HSD17B3: variants seen among roughly 807,000 people sequenced by gnomAD.
HSD17B3 encodes hydroxysteroid 17-beta dehydrogenase 3, also known as 17-beta-hydroxysteroid dehydrogenase type 3.
Under a neutral mutation model 41.1 loss-of-function variants are expected in HSD17B3, and 29 were observed. That is an observed-to-expected ratio of 0.71 (90% CI 0.53 to 0.96). HSD17B3 has a LOEUF of 0.96. HSD17B3 is among the 40% of genes least tolerant of loss of function. The pLI is 0.00. For missense variants in HSD17B3, 323 were observed against 374.6 expected, an observed-to-expected ratio of 0.86 and a Z score of 1.14; for synonymous variants, 126 against 145.6, an observed-to-expected ratio of 0.87 and a Z score of 0.97.
At chr9:96,277,963 A>T (rs1480105005) in intron 2 of HSD17B3, among the ~76,000 whole-genome samples, 2 of 152,180 alleles carry the variant, frequency 1.3e-5, no homozygotes, top group African/African-American at 4.8e-5. Context: ...TGAGGAGATT[A>T]TGCTAAGTGA....
chr9:96,291,656 G>A (rs1827163618), intron 2 of HSD17B3, among the ~76,000 whole-genome samples: 1 of 152,164 alleles, frequency 6.6e-6, no homozygotes, highest in Admixed American at 6.5e-5. Flanking sequence ...AAGGTTTGGA[G>A]CATAAAAATG....
chr9:96,298,706 T>C (rs1827459848), intron 1 of HSD17B3, among the ~76,000 whole-genome samples: 1 of 152,050 alleles, frequency 6.6e-6, no homozygotes, highest in Non-Finnish European at 1.5e-5. Context: ...GGTTAGTTGG[T>C]GTTTTGGAGG....
At chr9:96,278,013 T>TTATA (rs1306345093) in intron 2 of HSD17B3, among the ~76,000 whole-genome samples, 1 of 152,316 alleles carries the variant, frequency 6.6e-6, no homozygotes, top group African/African-American at 2.4e-5. Context: ...ATGATCTCAC[T>TTATA]TATATGTGGA....
At chr9:96,266,436 C>T (rs1826046379) in intron 2 of HSD17B3, among the ~76,000 whole-genome samples, 1 of 152,024 alleles carries the variant, frequency 6.6e-6, no homozygotes, top group African/African-American at 2.4e-5. Context: ...CCATTCCTGG[C>T]TAATTTTTTT....
intron 7 of HSD17B3, 134 bp downstream of exon 7, chr9:96,246,422 C>T (rs1482939423): frequency 1.0e-5 from 8 of 802,828 alleles, no homozygotes; most frequent in Admixed American, 5.9e-5. Flanking sequence ...CCATAATCAC[C>T]GTGTGCTTTC....
At chr9:96,276,107 T>TA (rs57386167) in intron 2 of HSD17B3, among the ~76,000 whole-genome samples, 14,966 of 41,120 alleles carry the variant, frequency 0.36, 3,474 homozygotes, top group African/African-American at 0.44. Context: ...TCCTGTCTCA[T>TA]AAAAAAAAAA....
At chr9:96,289,994 G>A (rs1008263987) in intron 2 of HSD17B3, among the ~76,000 whole-genome samples, 19 of 152,122 alleles carry the variant, frequency 1.2e-4, no homozygotes, top group African/African-American at 3.9e-4. Flanking sequence ...ATCTACAGCG[G>A]GTAGTGGGAA....
intron 1 of HSD17B3, among the ~76,000 whole-genome samples, chr9:96,298,800 C>G (rs1441572840): frequency 6.6e-6 from 1 of 152,126 alleles, no homozygotes; most frequent in East Asian, 1.9e-4. Flanking sequence ...CATGAGGATG[C>G]AGATATTGTG....
In HSD17B3 at chr9:96,246,710, G is replaced by A. The variant is rs541235378; in HGVS notation, c.490-120C>T. 4.9e-5 allele frequency: 44 copies of A among 892,164 alleles called. No homozygotes were observed. In the African/African-American group the frequency reaches 5.7e-4, roughly 12 times the overall value. The allele number at this position is 892,164 out of a possible 1,614,324, so 55.3% of individuals were successfully genotyped here. A position where few individuals can be genotyped will look rare whatever the true frequency, so the allele number is the denominator to read the frequency against. ...GGGAAAGAGCCTCATCTTCTCAGAC[G>A]GCCTTGAAAATTGCTGGCACTCATT... On this transcript the variant is annotated intron_variant, in intron 6 of 10. Transcript: ENST00000375263.
chr9:96,290,187 C>T (rs1325918449), intron 2 of HSD17B3, among the ~76,000 whole-genome samples: 1 of 152,150 alleles, frequency 6.6e-6, no homozygotes, highest in East Asian at 1.9e-4. Flanking sequence ...AATTTTTTCC[C>T]ACCTGCCTCA....
chr9:96,254,955 A>C lies in HSD17B3; in HGVS notation c.202-12T>G, dbSNP rs1466273069. 6.2e-7 allele frequency: 1 copy of C among 1,611,876 alleles called. No homozygotes were observed. The highest frequency in any genetic ancestry group is 1.3e-5 in the African/African-American group (1 of 74,868). On this transcript the variant is annotated splice_polypyrimidine_tract_variant and intron_variant, in intron 2 of 10. Coordinates refer to ENST00000375263, the MANE Select transcript of HSD17B3 (RefSeq NM_000197.2). ...CCACGTTTTGCTAGCTGAGAGTGGG[A>C]GTGAAAAACCAAGAGACAAGGATGA...
rs747156034 is a variant in HSD17B3, at chr9:96,245,314, G to A, written c.606+31C>T. The A allele has an allele frequency of 9.1e-6, 14 of 1,532,518 alleles. No individual in the cohort carries two copies. In the South Asian group the frequency reaches 1.0e-4, roughly 11 times the overall value. The allele number at this position is 1,532,518 out of a possible 1,614,324, so 94.9% of individuals were successfully genotyped here. On this transcript the variant is annotated intron_variant, in intron 8 of 10. Transcript: ENST00000375263. ...AACTGGGAGAAATAAGAGGAAGAAG[G>A]AAGAGACTTGGAAGTCATGACATCA...
At chr9:96,297,043 A>AC (rs1564066244) in intron 2 of HSD17B3, among the ~76,000 whole-genome samples, 2 of 151,476 alleles carry the variant, frequency 1.3e-5, no homozygotes, top group South Asian at 2.1e-4. Context: ...AAAAAAAAAA[A>AC]CCCACAGTTT....
At chr9:96,258,185 T>C (rs1240160552) in intron 2 of HSD17B3, among the ~76,000 whole-genome samples, 1 of 152,256 alleles carries the variant, frequency 6.6e-6, no homozygotes, top group Non-Finnish European at 1.5e-5. Flanking sequence ...TTGTCATACA[T>C]TATATACTAC....
intron 2 of HSD17B3, among the ~76,000 whole-genome samples, chr9:96,274,104 AG>A (rs2130766438): frequency 6.6e-6 from 1 of 152,376 alleles, no homozygotes; most frequent in African/African-American, 2.4e-5. Flanking sequence ...CTAACAAAGA[AG>A]TCAAAATAAT....
In HSD17B3 at chr9:96,254,958, G is replaced by C. The variant is rs764644897; in HGVS notation, c.202-15C>G. On this transcript the variant is annotated splice_polypyrimidine_tract_variant and intron_variant, in intron 2 of 10. Coordinates refer to ENST00000375263, the MANE Select transcript of HSD17B3 (RefSeq NM_000197.2). ...CGTTTTGCTAGCTGAGAGTGGGAGT[G>C]AAAAACCAAGAGACAAGGATGATGA... is the stretch of plus-strand genomic sequence containing the variant. The C allele has an allele frequency of 6.2e-7, 1 of 1,609,788 alleles. No individual in the cohort carries two copies. The highest frequency in any genetic ancestry group is 8.5e-7 in the Non-Finnish European group (1 of 1,176,810).
chr9:96,296,431 G>A (rs1158934326), intron 2 of HSD17B3, among the ~76,000 whole-genome samples: 1 of 152,108 alleles, frequency 6.6e-6, no homozygotes, highest in South Asian at 2.1e-4. Context: ...ATACATGCTT[G>A]CTTAGGCCAC....
intron 2 of HSD17B3, among the ~76,000 whole-genome samples, chr9:96,260,902 T>C (rs1253976071): frequency 1.3e-5 from 2 of 152,132 alleles, no homozygotes; most frequent in Non-Finnish European, 2.9e-5. Context: ...GGAGGGAGCA[T>C]TGCCCGCCTC....
intron 4 of HSD17B3, among the ~76,000 whole-genome samples, chr9:96,252,136 C>A (rs1825440388): frequency 6.6e-6 from 1 of 152,162 alleles, no homozygotes; most frequent in South Asian, 2.1e-4. Flanking sequence ...ATGGATCAAT[C>A]ACAGCAATGT....
Sources: gnomAD v4.1 joint callset for allele counts (sites outside exome capture counted in the v4.1 genomes callset) on GRCh38, gnomAD v4.1.1 for gene constraint, MANE v1.5 for transcripts, NCBI Gene and HGNC (gene_info 2026-07-23, HGNC 2026-07-21) for gene names.